Variants in STK32B observed in about 807,000 individuals in gnomAD.
STK32B encodes serine/threonine kinase 32B, also known as serine/threonine-protein kinase 32B.
Under a neutral mutation model 52.6 loss-of-function variants are expected in STK32B, and 43 were observed. That is an observed-to-expected ratio of 0.82 (90% CI 0.64 to 1.05). STK32B has a LOEUF of 1.05. Ranked by LOEUF, STK32B falls within the 50% of genes least tolerant of loss-of-function variation. The pLI, the probability that STK32B is intolerant of heterozygous loss-of-function variation, is 0.00. For missense variants in STK32B, 621 were observed against 534.6 expected, an observed-to-expected ratio of 1.16 and a Z score of -1.59; for synonymous variants, 238 against 204.3, an observed-to-expected ratio of 1.17 and a Z score of -1.41.
At chr4:5,432,600 G>A (rs1474171863) in intron 6 of STK32B, among the ~76,000 whole-genome samples, 1 of 152,184 alleles carries the variant, frequency 6.6e-6, no homozygotes, top group African/African-American at 2.4e-5. Flanking sequence ...GCAGGGTAAA[G>A]TCATTGATGA....
In STK32B at chr4:5,362,061, T is replaced by G. The variant is rs1458944032; in HGVS notation, c.434+30668T>G. Among the ~76,000 whole-genome samples, 3 of 152,188 alleles carry G rather than the reference T, an allele frequency of 2.0e-5. No individual in the cohort carries two copies. The East Asian group carries it at 5.8e-4, about 29-fold the overall frequency. The stretch of plus-strand genomic sequence containing the variant: ...GCAGAAACTAAATTTATCTCTGGAA[T>G]AGTAAACAAGCTTACTTTAATGTAT... On this transcript the variant is annotated intron_variant, in intron 4 of 11. Transcript: ENST00000282908.
chr4:5,049,120 T>G (rs1303270440), upstream of STK32B, among the ~76,000 whole-genome samples: 2 of 152,186 alleles, frequency 1.3e-5, no homozygotes, highest in Non-Finnish European at 2.9e-5. Context: ...GTAGCCTCCT[T>G]TCTTCTTCCA....
intron 3 of STK32B, among the ~76,000 whole-genome samples, chr4:5,172,039 G>C (rs560996310): frequency 6.6e-6 from 1 of 152,008 alleles, no homozygotes; most frequent in Non-Finnish European, 1.5e-5. Flanking sequence ...TTGTAAGCTG[G>C]ATTCCTAGGT....
chr4:5,390,764 G>A (rs1736547464), intron 4 of STK32B, among the ~76,000 whole-genome samples: 1 of 152,028 alleles, frequency 6.6e-6, no homozygotes, highest in African/African-American at 2.4e-5. Flanking sequence ...GTTCAGGAGG[G>A]GAGGCCAGAA....
chr4:5,263,590 G>A (rs2009077), intron 3 of STK32B, among the ~76,000 whole-genome samples: 16,729 of 152,230 alleles, frequency 0.11, 1,263 homozygotes, highest in Non-Finnish European at 0.16. Context: ...GGCTAAGAGT[G>A]ATCAGGAAAG....
chr4:5,113,532 A>G, intron 1 of STK32B, among the ~76,000 whole-genome samples: 1 of 151,808 alleles, frequency 6.6e-6, no homozygotes, highest in African/African-American at 2.4e-5. Flanking sequence ...TTTGTTTATT[A>G]CAGAGCATAA....
At chr4:5,339,106 C>T (rs1732903036) in intron 4 of STK32B, among the ~76,000 whole-genome samples, 1 of 152,126 alleles carries the variant, frequency 6.6e-6, no homozygotes, top group Non-Finnish European at 1.5e-5. Context: ...CATCACTGCT[C>T]CAGGTTTTTG....
At chr4:5,173,535 T>G (rs535059059) in intron 3 of STK32B, among the ~76,000 whole-genome samples, 102 of 152,268 alleles carry the variant, frequency 6.7e-4, no homozygotes, top group African/African-American at 2.4e-3. Context: ...AAGAACATCT[T>G]TATTTCTGCC....
intron 3 of STK32B, among the ~76,000 whole-genome samples, chr4:5,229,828 A>G (rs1328911695): frequency 6.6e-6 from 1 of 152,148 alleles, no homozygotes; most frequent in African/African-American, 2.4e-5. Flanking sequence ...TATAAGGAAA[A>G]TTATAGAATT....
intron 1 of STK32B, among the ~76,000 whole-genome samples, chr4:5,054,608 G>T (rs1741927339): frequency 6.6e-6 from 1 of 152,112 alleles, no homozygotes; most frequent in Non-Finnish European, 1.5e-5. Context: ...GCCTTAAAGG[G>T]CCCAGTGGCC....
In STK32B at chr4:5,470,466, GTTC is replaced by G. The variant is rs575298795; in HGVS notation, c.1106+2406_1106+2408del. Among the ~76,000 whole-genome samples the G allele has an allele frequency of 9.2e-5, 14 of 152,172 alleles. No individual in the cohort carries two copies. Among genetic ancestry groups the G allele is most frequent in the South Asian group, 2.1e-4 (1 of 4,822 alleles). ...GCTGTTGGCTGAGGTCTGAGCTGTA[GTTC>G]TTCTTCTTCATCCTGTCTCTGCTTA... On this transcript the variant is annotated intron_variant, in intron 11 of 11. Coordinates refer to ENST00000282908, the MANE Select transcript of STK32B (RefSeq NM_018401.3). The surrounding 1 kb of genome is among the most constrained non-coding windows in gnomAD (Gnocchi z 4.6).
chr4:5,104,686 C>T (rs1343412032), intron 1 of STK32B, among the ~76,000 whole-genome samples: 2 of 152,176 alleles, frequency 1.3e-5, no homozygotes, highest in African/African-American at 4.8e-5. Flanking sequence ...GACTCTGTGT[C>T]TTCTTCTCTG....
intron 5 of STK32B, among the ~76,000 whole-genome samples, chr4:5,416,509 A>G (rs1387827333): frequency 6.6e-6 from 1 of 152,134 alleles, no homozygotes; most frequent in Non-Finnish European, 1.5e-5. Flanking sequence ...TAGCCCACCT[A>G]CAGTTTTCCT....
intron 5 of STK32B, among the ~76,000 whole-genome samples, chr4:5,413,804 T>C (rs1268885858): frequency 6.6e-6 from 1 of 152,128 alleles, no homozygotes; most frequent in Non-Finnish European, 1.5e-5. Flanking sequence ...TGCAGCGAGG[T>C]AACATTTCTC....
chr4:5,301,986 GT>G (rs151163299), intron 3 of STK32B, among the ~76,000 whole-genome samples: 3,589 of 150,732 alleles, frequency 0.024, 138 homozygotes, highest in African/African-American at 0.082. Flanking sequence ...ATGTCTTGTG[GT>G]TTTTCCCCCA....
intron 4 of STK32B, among the ~76,000 whole-genome samples, chr4:5,358,319 A>G (rs1009887571): frequency 3.3e-5 from 5 of 152,238 alleles, no homozygotes; most frequent in Admixed American, 6.5e-5. Context: ...AAAGGATCCA[A>G]TAAATTAGAA....
chr4:5,047,359 G>A (rs1741640372), upstream of STK32B, among the ~76,000 whole-genome samples: 1 of 151,856 alleles, frequency 6.6e-6, no homozygotes, highest in South Asian at 2.1e-4. Context: ...ATGAGGGGAG[G>A]GAACCTAGAG....
chr4:5,189,568 C>G (rs1438535830), intron 3 of STK32B, among the ~76,000 whole-genome samples: 1 of 152,182 alleles, frequency 6.6e-6, no homozygotes, highest in African/African-American at 2.4e-5. Flanking sequence ...CGAAAGACAT[C>G]TTAGTTGCTT....
intron 5 of STK32B, among the ~76,000 whole-genome samples, chr4:5,411,267 C>T (rs967468824): frequency 2.6e-5 from 4 of 152,052 alleles, no homozygotes. Context: ...AATCTCCTGA[C>T]CTCGTGATCT....
Sources: allele counts gnomAD v4.1 joint callset (sites outside exome capture counted in the v4.1 genomes callset), GRCh38; gene constraint gnomAD v4.1.1; non-coding constraint Gnocchi (gnomAD v3.1); transcripts MANE v1.5; gene names NCBI Gene and HGNC (gene_info 2026-07-23, HGNC 2026-07-21).